GRM5: variants seen among roughly 807,000 people sequenced by gnomAD.
GRM5 encodes glutamate metabotropic receptor 5.
A neutral mutation model predicts 83.1 loss-of-function variants in GRM5; 19 were observed. The observed-to-expected ratio is 0.23, with a 90% confidence interval of 0.16 to 0.34. The LOEUF (loss-of-function observed/expected upper bound fraction) is 0.34. Among genes scored for constraint, GRM5 ranks in the 10% least tolerant of loss-of-function variants. The pLI, the probability that GRM5 is intolerant of heterozygous loss-of-function variation, is 1.00. For synonymous variants in GRM5, 675 were observed against 633.6 expected (o/e 1.07, Z -0.98); for missense variants, 1,160 against 1,588.3 (o/e 0.73, Z 4.58).
intron 3 of GRM5, among the ~76,000 whole-genome samples, chr11:88,747,490 T>A (rs1179650886): frequency 6.6e-6 from 1 of 152,182 alleles, no homozygotes; most frequent in Admixed American, 6.6e-5. Context: ...GCTGTACGTG[T>A]ACCTCTAAAT....
intron 3 of GRM5, among the ~76,000 whole-genome samples, chr11:88,783,196 C>T (rs1005631826): frequency 1.3e-5 from 2 of 152,144 alleles, no homozygotes; most frequent in African/African-American, 4.8e-5. Flanking sequence ...ACTATCCCCT[C>T]TTACAGTAAT....
intron 1 of GRM5, among the ~76,000 whole-genome samples, 181 bp downstream of exon 1, chr11:89,065,595 G>C (rs1381769293): frequency 5.3e-5 from 8 of 152,040 alleles, no homozygotes; most frequent in African/African-American, 1.9e-4. Flanking sequence ...GCAGGACCTC[G>C]TAGCGTTCCT....
chr11:88,789,244 T>C (rs974042978), intron 3 of GRM5, among the ~76,000 whole-genome samples: 2 of 152,046 alleles, frequency 1.3e-5, no homozygotes, highest in Admixed American at 6.6e-5. Context: ...GACAGGTGAA[T>C]GGCAATCCAC....
At chr11:88,511,999 A>T (rs1941384854) in intron 9 of GRM5, 1 of 152,234 alleles carries the variant, frequency 6.6e-6, no homozygotes, top group Non-Finnish European at 1.5e-5. Flanking sequence ...TGCTCCTAGT[A>T]CAGAGAGGTT....
intron 2 of GRM5, among the ~76,000 whole-genome samples, chr11:89,016,577 T>G (rs2135100469): frequency 6.6e-6 from 1 of 152,314 alleles, no homozygotes; most frequent in East Asian, 1.9e-4. Flanking sequence ...CCCTGAAAAG[T>G]AATTGTTATC....
At chr11:88,712,487 G>T (rs1342473162) in intron 3 of GRM5, among the ~76,000 whole-genome samples, 2 of 152,028 alleles carry the variant, frequency 1.3e-5, no homozygotes, top group African/African-American at 4.8e-5. Context: ...TATGACGACA[G>T]CCTGGGGCTT....
At position 89,028,752 on chromosome 11, in the gene GRM5, A is replaced by T. The variant is rs531490562; in HGVS notation, c.661+18460T>A. 3.1e-4 allele frequency among the ~76,000 whole-genome samples: 47 copies of T among 152,316 alleles called. No individual in the cohort carries two copies. In the South Asian group the frequency reaches 9.3e-3, roughly 30 times the overall value. ...ATCTCTAAAAGAATTGGTTGATTTC[A>T]TTTTGTTAGTAATAGAAAATTAAAT... On this transcript the variant is annotated intron_variant, in intron 2 of 9. Coordinates refer to ENST00000305447, the MANE Select transcript of GRM5 (RefSeq NM_001143831.3).
At chr11:88,660,118 C>G (rs182785389) in intron 3 of GRM5, among the ~76,000 whole-genome samples, 3 of 152,308 alleles carry the variant, frequency 2.0e-5, no homozygotes, top group Admixed American at 2.0e-4. Context: ...GCATGACCTG[C>G]CTGAATGGGC....
At chr11:88,814,223 A>G (rs529441628) in intron 3 of GRM5, among the ~76,000 whole-genome samples, 5 of 152,192 alleles carry the variant, frequency 3.3e-5, no homozygotes, top group African/African-American at 1.2e-4. Context: ...GAACCCTACA[A>G]TTGCCCTAGC....
intron 3 of GRM5, among the ~76,000 whole-genome samples, chr11:88,726,705 T>A (rs1941689187): frequency 6.6e-6 from 1 of 152,292 alleles, no homozygotes. Flanking sequence ...GCAGAAACTC[T>A]ACAAGTCAGA....
rs1459241983 is a variant in GRM5, at chr11:88,522,599, C to CTGTG, written c.2726+2709_2726+2710insCACA. On this transcript the variant is annotated intron_variant, in intron 9 of 9. Coordinates refer to ENST00000305447, the MANE Select transcript of GRM5 (RefSeq NM_001143831.3). The stretch of plus-strand genomic sequence containing the variant: ...TCTCTCTCTCTCTCGCTCTCTCTCT[C>CTGTG]TCTCTGTGTGTGTGTGTGTGTGTGT... 4.1e-5 allele frequency among the ~76,000 whole-genome samples: 4 copies of CTGTG among 97,348 alleles called. No homozygotes were observed. In the East Asian group the frequency reaches 1.8e-3, roughly 44 times the overall value. The allele number at this position is 97,348 out of a possible 152,430, so 63.9% of individuals were successfully genotyped here.
chr11:89,010,698 G>A (rs1357858315), intron 2 of GRM5, among the ~76,000 whole-genome samples: 1 of 151,374 alleles, frequency 6.6e-6, no homozygotes, highest in South Asian at 2.1e-4. Context: ...CTTTTTAGAT[G>A]ACTAAGTGGA....
intron 3 of GRM5, among the ~76,000 whole-genome samples, chr11:88,842,206 TA>T (rs1164464001): frequency 6.6e-6 from 1 of 152,098 alleles, no homozygotes; most frequent in African/African-American, 2.4e-5. Flanking sequence ...TTCTTATTTT[TA>T]AAAAAATATT....
chr11:88,570,725 C>T (rs1057065696), intron 7 of GRM5, among the ~76,000 whole-genome samples: 1 of 150,226 alleles, frequency 6.7e-6, no homozygotes, highest in African/African-American at 2.5e-5. Flanking sequence ...TACAGGCACT[C>T]CCGGCTAATT....
chr11:88,639,073 G>T (rs80291290), intron 4 of GRM5, among the ~76,000 whole-genome samples: 18,324 of 151,866 alleles, frequency 0.12, 1,500 homozygotes, highest in Non-Finnish European at 0.18. Flanking sequence ...TTGGTTTGTG[G>T]TTTTTTTCCC....
intron 9 of GRM5, among the ~76,000 whole-genome samples, chr11:88,509,887 A>G (rs996811408): frequency 1.3e-5 from 2 of 152,160 alleles, no homozygotes; most frequent in Non-Finnish European, 2.9e-5. Context: ...GGTACAGGAC[A>G]GGGGCTTCCT....
In GRM5 at chr11:88,941,335, C is replaced by T. The variant is rs1188778811; in HGVS notation, c.662-91180G>A. On this transcript the variant is annotated intron_variant, in intron 2 of 9. Transcript: ENST00000305447. ...TAATCATGAAACTAATGGAACATAACACATTTGAACTTAAAGAAATAAGCC... is the reference window on the plus strand; with the variant it reads ...TAATCATGAAACTAATGGAACATAATACATTTGAACTTAAAGAAATAAGCC... Among the ~76,000 whole-genome samples, 6 of 149,718 alleles carry T rather than the reference C, an allele frequency of 4.0e-5. No homozygotes were observed. The South Asian group carries it at 1.3e-3, about 32-fold the overall frequency.
At chr11:88,841,060 A>G (rs1174331972) in intron 3 of GRM5, among the ~76,000 whole-genome samples, 1 of 152,040 alleles carries the variant, frequency 6.6e-6, no homozygotes, top group Non-Finnish European at 1.5e-5. Flanking sequence ...AAAAGTCATG[A>G]TCATAATAAA....
At chr11:88,681,487 T>A (rs1591436720) in intron 3 of GRM5, among the ~76,000 whole-genome samples, 1 of 151,452 alleles carries the variant, frequency 6.6e-6, no homozygotes, top group Non-Finnish European at 1.5e-5. Flanking sequence ...GAACTACTCT[T>A]CTGAATTCTT....
Sources: gnomAD v4.1 joint callset for allele counts (sites outside exome capture counted in the v4.1 genomes callset) on GRCh38, gnomAD v4.1.1 for gene constraint, MANE v1.5 for transcripts, NCBI Gene and HGNC (gene_info 2026-07-23, HGNC 2026-07-21) for gene names.